The following DYNC1H1 variants were observed in gnomAD, a reference collection of about 807,000 sequenced individuals.
DYNC1H1 encodes dynein cytoplasmic 1 heavy chain 1, also known as cytoplasmic dynein 1 heavy chain 1.
A neutral mutation model predicts 527.1 loss-of-function variants in DYNC1H1; 51 were observed. The ratio of observed to expected loss-of-function variants is 0.10; its 90% CI spans 0.08 to 0.12. The LOEUF (loss-of-function observed/expected upper bound fraction) is 0.12. DYNC1H1 is among the 10% of genes least tolerant of loss of function. DYNC1H1 has a pLI of 1.00. For synonymous variants in DYNC1H1, 2,189 were observed against 2,278.8 expected, an observed-to-expected ratio of 0.96 and a Z score of 1.12; for missense variants, 2,771 against 5,971.8, an observed-to-expected ratio of 0.46 and a Z score of 17.66.
In DYNC1H1 at chr14:102,005,768, A is replaced by T; in HGVS notation, c.5434-120A>T. On this transcript the variant is annotated intron_variant, in intron 26 of 77. Transcript: ENST00000360184. This position sits in a 1 kb window ranked among gnomAD's most constrained non-coding sequence, Gnocchi z 4.0. ...AGTGAATTTGCCTTTTGGAACATTTACTGAAAGCCATTGTAACTGGACCTA... is the reference window on the plus strand; with the variant it reads ...AGTGAATTTGCCTTTTGGAACATTTTCTGAAAGCCATTGTAACTGGACCTA... 7.9e-7 allele frequency: 1 copy of T among 1,268,242 alleles called. No homozygotes were observed. Among genetic ancestry groups the T allele is most frequent in the Non-Finnish European group, 1.1e-6 (1 of 878,848 alleles). The allele number at this position is 1,268,242 out of a possible 1,614,324, so 78.6% of individuals were successfully genotyped here.
chr14:102,050,513 G>A lies in DYNC1H1; in HGVS notation c.13891G>A (p.Asp4631Asn). 6.2e-7 allele frequency: 1 copy of A among 1,614,220 alleles called. No individual in the cohort carries two copies. Among genetic ancestry groups the A allele is most frequent in the Admixed American group, 1.7e-5 (1 of 60,022 alleles). ...GGACTTCGAAATTGCTACAAAGGAG[G>A]ATCCTCGCAGCTTCTACGAGCGGGG... Reference protein sequence around the residue: ...TVDFEIATKEDPRSFYERGVA... With the variant: ...TVDFEIATKENPRSFYERGVA... The change falls in exon 78 of 78, where the codon GAT (aspartate) becomes AAT (asparagine). Residue 4631 changes from aspartate to asparagine, a missense_variant. Asp to Asn is a conservative substitution (Grantham distance 23, BLOSUM62 1). Around this residue, in one of 32 missense-constraint regions of DYNC1H1, gnomAD observed 106 missense variants for 139.2 expected, o/e 0.76. Coordinates refer to ENST00000360184, the MANE Select transcript of DYNC1H1 (RefSeq NM_001376.5).
Position 102,029,765 on chromosome 14 carries a change from T to C in DYNC1H1, c.9642+53T>C. ...GGAGTGAGCTGCAGTGAGGACCCCT[T>C]TCCATATAATTTCTGCATGTTTCTC... On this transcript the variant is annotated intron_variant, in intron 49 of 77. Coordinates refer to ENST00000360184, the MANE Select transcript of DYNC1H1 (RefSeq NM_001376.5). The surrounding 1 kb of genome is among the most constrained non-coding windows in gnomAD (Gnocchi z 5.3). 1.9e-6 allele frequency: 3 copies of C among 1,614,206 alleles called. No individual in the cohort carries two copies. The South Asian group carries it at 3.3e-5, about 18-fold the overall frequency.
intron 73 of DYNC1H1, 124 bp downstream of exon 73, chr14:102,048,152 A>G: frequency 7.8e-7 from 1 of 1,276,282 alleles, no homozygotes. Flanking sequence ...CACCGGTGTC[A>G]CCTCAGAGCA....
chr14:102,034,985 C>T (rs2048556047), intron 56 of DYNC1H1: 1 of 200,034 alleles, frequency 5.0e-6, no homozygotes, highest in Non-Finnish European at 1.0e-5. Context: ...AATCCCAGCA[C>T]TTTGGGAGGC....
chr14:102,026,582 C>T lies in DYNC1H1; in HGVS notation c.8646C>T (p.Ile2882=), dbSNP rs267603882. The T allele has an allele frequency of 6.2e-7, 1 of 1,614,020 alleles. No individual in the cohort carries two copies. ...TACCTTTTTTTCTATAGGATTACAT[C>T]CCAGTAGACCAAGAAGAGTTAAGAG... ...LYSNWLSKDY[I]PVDQEELRDY... Residue 2882 remains isoleucine, a synonymous_variant, in exon 44 of 78, where the codon ATC becomes ATT. Coordinates refer to ENST00000360184, the MANE Select transcript of DYNC1H1 (RefSeq NM_001376.5).
At chr14:102,008,372 A>G in intron 29 of DYNC1H1, 35 bp downstream of exon 29, 1 of 1,612,008 alleles carries the variant, frequency 6.2e-7, no homozygotes, top group Non-Finnish European at 8.5e-7. Context: ...TACTTAGAGA[A>G]TGTAGAGGGA....
chr14:102,040,488 A>G (rs2048635275), intron 63 of DYNC1H1, 78 bp downstream of exon 63: 1 of 1,612,956 alleles, frequency 6.2e-7, no homozygotes, highest in South Asian at 1.1e-5. Flanking sequence ...CATGTGGTAT[A>G]AAACCCAGAA....
rs779112436 is a variant in DYNC1H1 at position 102,044,738 on chromosome 14, CG to C, written c.13006+41del. On this transcript the variant is annotated intron_variant, in intron 72 of 77. Coordinates refer to ENST00000360184, the MANE Select transcript of DYNC1H1 (RefSeq NM_001376.5). This position sits in a 1 kb window ranked among gnomAD's most constrained non-coding sequence, Gnocchi z 7.1. ...TCCTCCCCACACGCAGGGTGGGTGG[CG>C]AGGGTCCCCTCACGCGGGGTGGGTG... The C allele has an allele frequency of 6.4e-6, 9 of 1,395,752 alleles. No individual in the cohort carries two copies. The highest frequency in any genetic ancestry group is 5.4e-5 in the South Asian group (4 of 74,532). 86.5% of individuals were successfully genotyped at this position (1,395,752 alleles called of 1,614,324 possible). A position where few individuals can be genotyped will look rare whatever the true frequency, so the allele number is the denominator to read the frequency against.
At chr14:102,030,871 A>G (rs999832917) in intron 51 of DYNC1H1, among the ~76,000 whole-genome samples, 1 of 152,194 alleles carries the variant, frequency 6.6e-6, no homozygotes, top group East Asian at 1.9e-4. Context: ...AGGCCGAGGC[A>G]GGAGGATCAT....
At chr14:101,993,857 T>C (rs2048026250) in intron 11 of DYNC1H1, among the ~76,000 whole-genome samples, 1 of 152,192 alleles carries the variant, frequency 6.6e-6, no homozygotes, top group Admixed American at 6.5e-5. Flanking sequence ...TGAGCAGGGA[T>C]TTTTATCTGC....
Position 101,983,274 on chromosome 14 carries a change from A to G in DYNC1H1, c.1217A>G (p.Tyr406Cys), listed in dbSNP as rs778963440. 6.2e-7 allele frequency: 1 copy of G among 1,614,268 alleles called. No individual in the cohort carries two copies. The highest frequency in any genetic ancestry group is 1.7e-5 in the Admixed American group (1 of 60,032). The change falls in exon 6 of 78, where the codon TAT becomes TGT. Residue 406 changes from tyrosine to cysteine, a missense_variant. Physicochemically the swap from Tyr to Cys is radical, Grantham distance 194. This residue lies in a region of DYNC1H1 where 264 missense variants were observed against 619.4 expected (regional missense o/e 0.43). Transcript: ENST00000360184. This position sits in a 1 kb window ranked among gnomAD's most constrained non-coding sequence, Gnocchi z 5.3. ...LGTRKLMHVA[Y>C]EEFEKVMVAC... is the part of the protein sequence containing the mutation. ...ACTAGGAAATTGATGCATGTTGCTTATGAAGAATTTGAAAAAGTAAGTTTG... is the reference window on the plus strand; with the variant it reads ...ACTAGGAAATTGATGCATGTTGCTTGTGAAGAATTTGAAAAAGTAAGTTTG...
At position 102,039,796 on chromosome 14, in the gene DYNC1H1, C is replaced by G; in HGVS notation, c.11690+64C>G. 6.7e-7 allele frequency: 1 copy of G among 1,493,782 alleles called. No individual in the cohort carries two copies. The highest frequency in any genetic ancestry group is 9.3e-7 in the Non-Finnish European group (1 of 1,072,684). The allele number at this position is 1,493,782 out of a possible 1,614,324, so 92.5% of individuals were successfully genotyped here. Reference sequence around the variant, plus strand: ...TGGTGGCCCCCAAGGGTTTCATGATCAGATACATGCTTTTATTATTTCTTT... The same window carrying G: ...TGGTGGCCCCCAAGGGTTTCATGATGAGATACATGCTTTTATTATTTCTTT... On this transcript the variant is annotated intron_variant, in intron 62 of 77. Coordinates refer to ENST00000360184, the MANE Select transcript of DYNC1H1 (RefSeq NM_001376.5). The surrounding 1 kb of genome is among the most constrained non-coding windows in gnomAD (Gnocchi z 7.0).
At position 102,027,255 on chromosome 14, in the gene DYNC1H1, C is replaced by T; in HGVS notation, c.8853C>T (p.Ala2951=). 6.2e-7 allele frequency: 1 copy of T among 1,614,052 alleles called. No homozygotes were observed. Among genetic ancestry groups the T allele is most frequent in the South Asian group, 1.1e-5 (1 of 91,076 alleles). The change falls in exon 45 of 78, where the codon GCC becomes GCT. Residue 2951 remains alanine (A), a synonymous_variant. Coordinates refer to ENST00000360184, the MANE Select transcript of DYNC1H1 (RefSeq NM_001376.5). This position sits in a 1 kb window ranked among gnomAD's most constrained non-coding sequence, Gnocchi z 7.7. ...AGKTTLSRFV[A]WMNGLSVYQI... ...AAACTACCCTGTCTCGTTTCGTCGC[C>T]TGGATGAACGGTTTGAGTGTGTACC... is the stretch of plus-strand genomic sequence containing the variant.
chr14:102,046,887 T>G (rs879901789), intron 72 of DYNC1H1, among the ~76,000 whole-genome samples: 3 of 151,644 alleles, frequency 2.0e-5, no homozygotes, highest in Non-Finnish European at 4.4e-5. Context: ...CAGCCTCAGC[T>G]TTCTGGGCTC....
chr14:102,041,783 T>A lies in DYNC1H1; in HGVS notation c.12102+49T>A. The A allele has an allele frequency of 6.2e-7, 1 of 1,611,608 alleles. No individual in the cohort carries two copies. Among genetic ancestry groups the A allele is most frequent in the Non-Finnish European group, 8.5e-7 (1 of 1,179,706 alleles). On this transcript the variant is annotated intron_variant, in intron 65 of 77. Transcript: ENST00000360184. This position sits in a 1 kb window ranked among gnomAD's most constrained non-coding sequence, Gnocchi z 4.5. ...CTTCCCACGAGACTCCATGCCCACC[T>A]CCCCAGCCACAGGTGGCAGCAGCCC...
rs1294353377 is a variant in DYNC1H1, at chr14:101,986,523, C to T, written c.2298C>T (p.Asn766=). ...LGFRVPLAIV[N]KAHQANQLYP... ...TCCGCGTCCCACTGGCGATTGTGAA[C>T]AAAGCCCATCAAGCAAACCAGCTTT... Residue 766 remains asparagine (N), a synonymous_variant, in exon 8 of 78, where the codon AAC becomes AAT. Coordinates refer to ENST00000360184, the MANE Select transcript of DYNC1H1 (RefSeq NM_001376.5). This position sits in a 1 kb window ranked among gnomAD's most constrained non-coding sequence, Gnocchi z 8.7. 6.2e-7 allele frequency: 1 copy of T among 1,614,148 alleles called. No homozygotes were observed. The highest frequency in any genetic ancestry group is 1.1e-5 in the South Asian group (1 of 91,080).
chr14:102,049,451 C>T lies in DYNC1H1; in HGVS notation c.13384C>T (p.Arg4462Trp), dbSNP rs879253914. Residue 4462 changes from arginine (R) to tryptophan (W), a missense_variant, in exon 75 of 78, where the codon CGG becomes TGG. Arg to Trp is a moderately radical substitution (Grantham distance 101). Around this residue, in one of 32 missense-constraint regions of DYNC1H1, gnomAD observed 170 missense variants for 249.8 expected, o/e 0.68. Coordinates refer to ENST00000360184, the MANE Select transcript of DYNC1H1 (RefSeq NM_001376.5). The surrounding 1 kb of genome is among the most constrained non-coding windows in gnomAD (Gnocchi z 5.5). ...TGCCTTGGCTGCAGGGATCTTGCCT[C>T]GGAGCTGGTCCCACTACACGGTGCC... ...INELVKGILP[R>W]SWSHYTVPAG... is the part of the protein sequence containing the mutation. The T allele has an allele frequency of 2.5e-6, 4 of 1,614,118 alleles. No individual in the cohort carries two copies. The highest frequency in any genetic ancestry group is 3.4e-6 in the Non-Finnish European group (4 of 1,180,042).
Position 102,049,590 on chromosome 14 carries a change from C to CA in DYNC1H1, c.13515+8_13515+9insA. On this transcript the variant is annotated intron_variant, in intron 75 of 77. Coordinates refer to ENST00000360184, the MANE Select transcript of DYNC1H1 (RefSeq NM_001376.5). This position sits in a 1 kb window ranked among gnomAD's most constrained non-coding sequence, Gnocchi z 5.5. ...GGCGCCAAGGAGCTAAAGGTGAAGGCGCTCCTGACGAGTCTCGGGTGGTCA... is the reference window on the plus strand; with the variant it reads ...GGCGCCAAGGAGCTAAAGGTGAAGGCAGCTCCTGACGAGTCTCGGGTGGTCA... 1 of 1,613,826 alleles carries CA rather than the reference C, an allele frequency of 6.2e-7. No individual in the cohort carries two copies. The highest frequency in any genetic ancestry group is 8.5e-7 in the Non-Finnish European group (1 of 1,180,026).
intron 15 of DYNC1H1, among the ~76,000 whole-genome samples, chr14:101,996,143 T>C (rs2048059406): frequency 6.6e-6 from 1 of 151,632 alleles, no homozygotes; most frequent in African/African-American, 2.4e-5. Context: ...TTCTTTTTTT[T>C]TTTTGAGATG....
Sources: gnomAD v4.1 joint callset for allele counts (sites outside exome capture counted in the v4.1 genomes callset) on GRCh38, gnomAD v4.1.1 for gene constraint, gnomAD v4.1.1 regional missense constraint, Gnocchi (gnomAD v3.1) non-coding constraint, MANE v1.5 for transcripts, NCBI Gene and HGNC (gene_info 2026-07-23, HGNC 2026-07-21) for gene names.